RARB: variants seen among roughly 807,000 people sequenced by gnomAD.
RARB encodes the protein retinoic acid receptor beta, also known as HBV-activated protein.
RARB carries 17 observed loss-of-function variants against 51.9 expected under a neutral mutation model. The ratio of observed to expected loss-of-function variants is 0.33; its 90% CI spans 0.22 to 0.49. RARB has a LOEUF of 0.49. Ranked by LOEUF, RARB falls within the 20% of genes least tolerant of loss-of-function variation. RARB has a pLI of 0.99. For missense variants in RARB, 369 were observed against 550.8 expected, an observed-to-expected ratio of 0.67 and a Z score of 3.30; for synonymous variants, 215 against 195.4, an observed-to-expected ratio of 1.10 and a Z score of -0.84.
At chr3:25,229,445 C>G (rs1470165009) in intron 5 of RARB, among the ~76,000 whole-genome samples, 1 of 152,128 alleles carries the variant, frequency 6.6e-6, no homozygotes, top group Admixed American at 6.6e-5. Flanking sequence ...GTACAGCTCT[C>G]TGTAAACTAC....
intron 2 of RARB, among the ~76,000 whole-genome samples, chr3:25,020,654 C>T (rs1373447484): frequency 6.6e-6 from 1 of 151,880 alleles, no homozygotes; most frequent in Non-Finnish European, 1.5e-5. Context: ...GATTTCATTG[C>T]ATATAGGCTT....
chr3:25,023,064 G>A (rs1429241280), intron 2 of RARB, among the ~76,000 whole-genome samples: 2 of 152,144 alleles, frequency 1.3e-5, no homozygotes, highest in African/African-American at 4.8e-5. Flanking sequence ...AGGGAGATAT[G>A]GGTATTGATA....
At chr3:25,387,904 C>T (rs1007255843) in intron 5 of RARB, among the ~76,000 whole-genome samples, 1 of 151,802 alleles carries the variant, frequency 6.6e-6, no homozygotes, top group Non-Finnish European at 1.5e-5. Flanking sequence ...AAATGTTTAA[C>T]CTGGATTGAT....
chr3:25,293,215 G>A (rs887105516), intron 5 of RARB, among the ~76,000 whole-genome samples: 1 of 152,002 alleles, frequency 6.6e-6, no homozygotes, highest in Non-Finnish European at 1.5e-5. Context: ...AAAAATGTGG[G>A]CAAAGGCTCT....
intron 2 of RARB, among the ~76,000 whole-genome samples, chr3:25,041,988 A>G (rs140106833): frequency 7.2e-5 from 11 of 152,302 alleles, no homozygotes; most frequent in African/African-American, 2.6e-4. Context: ...GGCAGGGTGC[A>G]AACAATCAAT....
At chr3:24,995,064 G>T (rs1230105859) in intron 2 of RARB, among the ~76,000 whole-genome samples, 1 of 152,194 alleles carries the variant, frequency 6.6e-6, no homozygotes, top group Middle Eastern at 3.4e-3. Context: ...CATTGAATTT[G>T]TAGATTGCTT....
At chr3:24,976,402 C>A (rs926688495) in intron 2 of RARB, among the ~76,000 whole-genome samples, 1 of 152,178 alleles carries the variant, frequency 6.6e-6, no homozygotes, top group African/African-American at 2.4e-5. Flanking sequence ...TAAAAGCATT[C>A]CTGTTTCTCC....
intron 5 of RARB, among the ~76,000 whole-genome samples, chr3:25,353,518 T>G (rs1705640256): frequency 6.6e-6 from 1 of 152,292 alleles, no homozygotes; most frequent in Middle Eastern, 3.4e-3. Flanking sequence ...CACTGGTAAT[T>G]TTTTCTCTTA....
At chr3:25,229,677 A>G (rs1702132617) in intron 5 of RARB, among the ~76,000 whole-genome samples, 1 of 151,362 alleles carries the variant, frequency 6.6e-6, no homozygotes, top group Non-Finnish European at 1.5e-5. Context: ...CTTTAATGCA[A>G]CAGACATCTC....
chr3:25,106,444 G>GT lies in RARB; in HGVS notation c.-327-25711dup, dbSNP rs1478060108. On this transcript the variant is annotated intron_variant, in intron 3 of 11. Transcript: ENST00000383772. ...GCATGTACCACCATGCCCAGCTACTGTTTTTTGTTTTTTGTTTTTTTTTGT... is the reference window on the plus strand; with the variant it reads ...GCATGTACCACCATGCCCAGCTACTGTTTTTTTGTTTTTTGTTTTTTTTTGT... Among the ~76,000 whole-genome samples the GT allele has an allele frequency of 9.0e-5, 6 of 67,014 alleles. 1 individual carries two copies. The highest frequency in any genetic ancestry group is 3.5e-4 in the African/African-American group (6 of 17,132). 44.0% of individuals were successfully genotyped at this position (67,014 alleles called of 152,430 possible). A position where few individuals can be genotyped will look rare whatever the true frequency, so the allele number is the denominator to read the frequency against.
In RARB at chr3:25,596,854, A is replaced by C; in HGVS notation, c.*238A>C. On this transcript the variant is annotated 3_prime_UTR_variant, in exon 8 of 8. Transcript: ENST00000330688. Reference sequence around the variant, plus strand: ...CATTTCATGCAACCAGAAACTAGTTAAAAGCTTCTATTTTCCTCTTTGAAC... The same window carrying C: ...CATTTCATGCAACCAGAAACTAGTTCAAAGCTTCTATTTTCCTCTTTGAAC... 1 of 372,890 alleles carries C rather than the reference A, an allele frequency of 2.7e-6. No individual in the cohort carries two copies. Among genetic ancestry groups the C allele is most frequent in the Non-Finnish European group, 4.8e-6 (1 of 207,450 alleles). 23.1% of individuals were successfully genotyped at this position (372,890 alleles called of 1,614,324 possible). A position where few individuals can be genotyped will look rare whatever the true frequency, so the allele number is the denominator to read the frequency against.
intron 5 of RARB, among the ~76,000 whole-genome samples, chr3:25,254,148 C>A (rs1702799422): frequency 6.6e-6 from 1 of 152,136 alleles, no homozygotes; most frequent in Non-Finnish European, 1.5e-5. Flanking sequence ...AATTGCTTGA[C>A]ATAACTTCAT....
intron 3 of RARB, among the ~76,000 whole-genome samples, chr3:25,078,534 AT>A (rs56349106): frequency 8.5e-5 from 12 of 141,320 alleles, no homozygotes; most frequent in Middle Eastern, 3.6e-3. Context: ...CCAACTTTCT[AT>A]TTTTTTTTTT....
chr3:25,573,820 G>A (rs1006174698), intron 4 of RARB, among the ~76,000 whole-genome samples: 2 of 152,166 alleles, frequency 1.3e-5, no homozygotes, highest in Admixed American at 6.5e-5. Context: ...AGCCAACTGC[G>A]CATCTACAGA....
At chr3:25,230,201 T>G (rs2125389751) in intron 5 of RARB, among the ~76,000 whole-genome samples, 1 of 152,240 alleles carries the variant, frequency 6.6e-6, no homozygotes. Flanking sequence ...GGAATGATTT[T>G]ATAATGATTA....
chr3:25,423,550 C>T (rs920916690), upstream of RARB, among the ~76,000 whole-genome samples: 4 of 152,128 alleles, frequency 2.6e-5, no homozygotes, highest in African/African-American at 9.7e-5. Flanking sequence ...AGATCTATGC[C>T]AAGCACCAGT....
In RARB at chr3:25,593,808, T is replaced by G. The variant is rs1026661455; in HGVS notation, c.991+101T>G. On this transcript the variant is annotated intron_variant, in intron 6 of 7. Transcript: ENST00000330688. Reference sequence around the variant, plus strand: ...ATTTCCCTTTTGGAGTTGTTTTACATGGGAAAACATGTGAATAAAGCCAGG... The same window carrying G: ...ATTTCCCTTTTGGAGTTGTTTTACAGGGGAAAACATGTGAATAAAGCCAGG... 3 of 1,146,224 alleles carry G rather than the reference T, an allele frequency of 2.6e-6. No homozygotes were observed. The African/African-American group carries it at 4.7e-5, about 18-fold the overall frequency. The allele number at this position is 1,146,224 out of a possible 1,614,324, so 71.0% of individuals were successfully genotyped here.
chr3:25,442,110 T>TTTA (rs1559404211), intron 1 of RARB, among the ~76,000 whole-genome samples: 19 of 142,968 alleles, frequency 1.3e-4, no homozygotes, highest in Non-Finnish European at 2.1e-4. Context: ...TTTAATTTTA[T>TTTA]TTTATTTTTA....
intron 3 of RARB, among the ~76,000 whole-genome samples, chr3:25,517,936 A>G (rs1297891457): frequency 6.6e-6 from 1 of 152,204 alleles, no homozygotes; most frequent in Non-Finnish European, 1.5e-5. Flanking sequence ...AAATGTCCAG[A>G]AAGGGCAAAT....
Sources: gnomAD v4.1 joint callset for allele counts (sites outside exome capture counted in the v4.1 genomes callset) on GRCh38, gnomAD v4.1.1 for gene constraint, MANE v1.5 for transcripts, NCBI Gene and HGNC (gene_info 2026-07-23, HGNC 2026-07-21) for gene names.